The following CTNND2 variants were observed in gnomAD, a reference collection of about 807,000 sequenced individuals.
CTNND2 encodes catenin delta-2.
A neutral mutation model predicts 144.4 loss-of-function variants in CTNND2; 22 were observed. That is an observed-to-expected ratio of 0.15 (90% CI 0.11 to 0.22). The LOEUF is 0.22. CTNND2 is among the 10% of genes least tolerant of loss of function. The pLI is 1.00. For missense variants in CTNND2, 1,353 were observed against 1,618.8 expected (o/e 0.84, Z 2.82); for synonymous variants, 751 against 695.6 (o/e 1.08, Z -1.25).
At chr5:11,817,542 C>G (rs1279493859) in intron 1 of CTNND2, among the ~76,000 whole-genome samples, 1 of 149,360 alleles carries the variant, frequency 6.7e-6, no homozygotes, top group Non-Finnish European at 1.5e-5. Context: ...GTCAGGCCAA[C>G]GGGAGGGAAG....
At chr5:11,866,476 T>C (rs768756752) in intron 1 of CTNND2, among the ~76,000 whole-genome samples, 2 of 152,178 alleles carry the variant, frequency 1.3e-5, no homozygotes, top group African/African-American at 2.4e-5. Flanking sequence ...TCAGTTGCCC[T>C]ATAAATGGAA....
rs149835044 is a variant in CTNND2, at chr5:11,147,265, A to G, written c.2159+12311T>C. ...AGAAGTTCTGGATCAAAAGCCCAGA[A>G]TGCTTTGACAAGGCCATAGAGAAGG... On this transcript the variant is annotated intron_variant, in intron 12 of 21. Transcript: ENST00000304623. 4.1e-3 allele frequency among the ~76,000 whole-genome samples: 631 copies of G among 152,316 alleles called. 4 individuals are homozygous for G. Among genetic ancestry groups the G allele is most frequent in the African/African-American group, 0.014 (590 of 41,564 alleles).
At chr5:11,592,416 G>C (rs925661376) in intron 2 of CTNND2, among the ~76,000 whole-genome samples, 2 of 151,906 alleles carry the variant, frequency 1.3e-5, no homozygotes, top group African/African-American at 4.8e-5. Flanking sequence ...TCCTTCATGA[G>C]TTTGTGCTGA....
intron 1 of CTNND2, among the ~76,000 whole-genome samples, chr5:11,850,651 A>G (rs1388013841): frequency 6.6e-6 from 1 of 152,204 alleles, no homozygotes; most frequent in Non-Finnish European, 1.5e-5. Flanking sequence ...CTGAGCCACA[A>G]AAGATAATAA....
At chr5:11,273,700 T>C (rs762086408) in intron 9 of CTNND2, among the ~76,000 whole-genome samples, 5 of 152,182 alleles carry the variant, frequency 3.3e-5, no homozygotes, top group Non-Finnish European at 7.3e-5. Flanking sequence ...TTTGCATAAC[T>C]GACACTTATC....
chr5:11,450,777 A>C (rs1169599647), intron 3 of CTNND2, among the ~76,000 whole-genome samples: 1 of 151,954 alleles, frequency 6.6e-6, no homozygotes, highest in African/African-American at 2.4e-5. Flanking sequence ...GCATGCTTGT[A>C]ATCTCAGCTA....
At chr5:11,808,957 G>A (rs1201572260) in intron 1 of CTNND2, among the ~76,000 whole-genome samples, 2 of 152,174 alleles carry the variant, frequency 1.3e-5, no homozygotes, top group African/African-American at 4.8e-5. Flanking sequence ...AGCTGGAATG[G>A]AAAGCTGTGA....
intron 1 of CTNND2, among the ~76,000 whole-genome samples, chr5:11,778,489 A>C (rs1218712492): frequency 6.6e-6 from 1 of 152,132 alleles, no homozygotes; most frequent in Non-Finnish European, 1.5e-5. Flanking sequence ...ATAATATAAG[A>C]ATGGTACTTT....
intron 2 of CTNND2, among the ~76,000 whole-genome samples, chr5:11,607,240 T>C (rs1267921851): frequency 6.6e-6 from 1 of 152,156 alleles, no homozygotes; most frequent in Non-Finnish European, 1.5e-5. Flanking sequence ...ACAATCATCT[T>C]CTGTTGTTGA....
chr5:11,455,512 T>C (rs1765658760), intron 3 of CTNND2, among the ~76,000 whole-genome samples: 1 of 152,194 alleles, frequency 6.6e-6, no homozygotes, highest in South Asian at 2.1e-4. Flanking sequence ...GGACTGATAT[T>C]GACTTTATTT....
rs10462678 is a variant in CTNND2, at chr5:11,813,927, C to T, written c.38-81655G>A. 0.014 allele frequency among the ~76,000 whole-genome samples: 2,180 copies of T among 152,288 alleles called. 126 individuals carry two copies. In the East Asian group the frequency reaches 0.19, roughly 13 times the overall value. ...GCTACTGATGGGCACACTTTTAATA[C>T]TCCAGGTAAATCCTGTAAGAATCTG... On this transcript the variant is annotated intron_variant, in intron 1 of 21. Coordinates refer to ENST00000304623, the MANE Select transcript of CTNND2 (RefSeq NM_001332.4).
intron 3 of CTNND2, among the ~76,000 whole-genome samples, chr5:11,541,837 G>A (rs528873223): frequency 3.0e-5 from 3 of 100,798 alleles, no homozygotes; most frequent in African/African-American, 8.5e-5. Flanking sequence ...ATTTATTATC[G>A]ACCCCCCCCC....
At chr5:11,069,230 G>A (rs1747964111) in intron 16 of CTNND2, among the ~76,000 whole-genome samples, 1 of 152,198 alleles carries the variant, frequency 6.6e-6, no homozygotes, top group Non-Finnish European at 1.5e-5. Context: ...TTATGGTGTT[G>A]TACACAGCAT....
At chr5:11,381,292 C>G (rs1265295550) in intron 7 of CTNND2, among the ~76,000 whole-genome samples, 1 of 152,170 alleles carries the variant, frequency 6.6e-6, no homozygotes, top group East Asian at 1.9e-4. Flanking sequence ...CGAAGTAACC[C>G]TGTTACAAAC....
At chr5:11,290,417 T>C (rs558993260) in intron 9 of CTNND2, among the ~76,000 whole-genome samples, 1 of 152,312 alleles carries the variant, frequency 6.6e-6, no homozygotes, top group East Asian at 1.9e-4. Context: ...GATAGTGCAT[T>C]TTGTACCCAC....
intron 9 of CTNND2, among the ~76,000 whole-genome samples, chr5:11,319,229 T>C (rs1330379432): frequency 1.3e-5 from 2 of 152,150 alleles, no homozygotes; most frequent in Admixed American, 1.3e-4. Context: ...TTCTGACTAC[T>C]AGATAAGCTT....
chr5:11,414,933 TC>T, intron 3 of CTNND2, among the ~76,000 whole-genome samples: 1 of 152,228 alleles, frequency 6.6e-6, no homozygotes, highest in East Asian at 1.9e-4. Context: ...CATGATCTCA[TC>T]CTTTTTCATG....
intron 2 of CTNND2, among the ~76,000 whole-genome samples, chr5:11,581,644 A>G (rs1778445171): frequency 6.6e-6 from 1 of 152,164 alleles, no homozygotes; most frequent in Admixed American, 6.5e-5. Flanking sequence ...TCCTTTGCAA[A>G]CCAAGAGCAA....
intron 16 of CTNND2, among the ~76,000 whole-genome samples, chr5:11,046,665 C>T (rs1022193786): frequency 3.3e-5 from 5 of 152,186 alleles, no homozygotes; most frequent in South Asian, 2.1e-4. Context: ...TCACTTTTAA[C>T]GCTGTCTGAA....
Sources: gnomAD v4.1 joint callset for allele counts (sites outside exome capture counted in the v4.1 genomes callset) on GRCh38, gnomAD v4.1.1 for gene constraint, MANE v1.5 for transcripts, NCBI Gene and HGNC (gene_info 2026-07-23, HGNC 2026-07-21) for gene names.